Variants in SRP68 observed in about 807,000 individuals in gnomAD.
The protein encoded by SRP68 is signal recognition particle subunit SRP68.
Under a neutral mutation model 82.2 loss-of-function variants are expected in SRP68, and 15 were observed. The ratio of observed to expected loss-of-function variants is 0.18; its 90% CI spans 0.12 to 0.28. The LOEUF (loss-of-function observed/expected upper bound fraction) is 0.28. SRP68 is among the 10% of genes least tolerant of loss of function. The pLI is 1.00. For synonymous variants in SRP68, 261 were observed against 292.6 expected, an observed-to-expected ratio of 0.89 and a Z score of 1.10; for missense variants, 595 against 780.5, an observed-to-expected ratio of 0.76 and a Z score of 2.83.
In SRP68 at chr17:76,055,485, G is replaced by C. The variant is rs143298874; in HGVS notation, c.978+1918C>G. ...TAAAACATCATGTGGGCCCGGTGCA[G>C]TGGCTGATGCCTGTAATTCCAGCAC... On this transcript the variant is annotated intron_variant, in intron 8 of 15. Transcript: ENST00000307877. Among the ~76,000 whole-genome samples, 23 of 152,140 alleles carry C rather than the reference G, an allele frequency of 1.5e-4. 1 individual carries two copies. In the East Asian group the frequency reaches 4.5e-3, roughly 30 times the overall value.
Position 76,072,485 on chromosome 17 carries a change from C to T in SRP68, c.7G>A (p.Ala3Thr). The T allele has an allele frequency of 6.3e-7, 1 of 1,584,094 alleles. No homozygotes were observed. Among genetic ancestry groups the T allele is most frequent in the South Asian group, 1.1e-5 (1 of 89,232 alleles). ...CCGCCGCCTGGGACCTGCTTCTCAGCAGCCATCTTGCCCCTGCGCCGCAGA... is the reference window on the plus strand; with the variant it reads ...CCGCCGCCTGGGACCTGCTTCTCAGTAGCCATCTTGCCCCTGCGCCGCAGA... Reference protein sequence around the residue: MAAEKQVPGGGGG... With the variant: MATEKQVPGGGGG... Residue 3 changes from alanine to threonine, a missense_variant, in exon 1 of 16, where the codon GCT (alanine) becomes ACT (threonine). Coordinates refer to ENST00000307877, the MANE Select transcript of SRP68 (RefSeq NM_014230.4). This position sits in a 1 kb window ranked among gnomAD's most constrained non-coding sequence, Gnocchi z 4.5.
At chr17:76,055,125 T>C (rs1028898380) in intron 8 of SRP68, among the ~76,000 whole-genome samples, 1 of 149,982 alleles carries the variant, frequency 6.7e-6, no homozygotes, top group Non-Finnish European at 1.5e-5. Flanking sequence ...CCCGGCTAAT[T>C]TTTTTTTTGT....
rs1441205288 is a variant in SRP68 at position 76,057,382 on chromosome 17, C to T, written c.978+21G>A. The stretch of plus-strand genomic sequence containing the variant: ...CTTCAGACACATACAGAAGACAGCA[C>T]AGTAAGTTCTTCCTCCTCACCTGGA... On this transcript the variant is annotated intron_variant, in intron 8 of 15. Transcript: ENST00000307877. 9.9e-6 allele frequency: 16 copies of T among 1,613,938 alleles called. No homozygotes were observed. The Admixed American group carries it at 2.5e-4, about 25-fold the overall frequency.
In SRP68 at chr17:76,057,416, G is replaced by C; in HGVS notation, c.965C>G (p.Ala322Gly). The C allele has an allele frequency of 6.2e-7, 1 of 1,614,132 alleles. No homozygotes were observed. Among genetic ancestry groups the C allele is most frequent in the Non-Finnish European group, 8.5e-7 (1 of 1,180,030 alleles). Reference protein sequence around the residue: ...IFLLGLADNEAAIVQAESEET... With the variant: ...IFLLGLADNEGAIVQAESEET... The stretch of plus-strand genomic sequence containing the variant: ...CTTCCTCCTCACCTGGACAATAGCT[G>C]CTTCGTTATCAGCCAGTCCTAATAA... Residue 322 changes from alanine to glycine, a missense_variant, in exon 8 of 16, where the codon GCA becomes GGA. Around this residue, in one of 2 missense-constraint regions of SRP68, gnomAD observed 495 missense variants for 688.6 expected, o/e 0.72. Coordinates refer to ENST00000307877, the MANE Select transcript of SRP68 (RefSeq NM_014230.4).
Position 76,043,984 on chromosome 17 carries a change from A to G in SRP68, c.1395-26T>C, listed in dbSNP as rs111867241. The G allele has an allele frequency of 2.2e-4, 356 of 1,587,222 alleles. No homozygotes were observed. The African/African-American group carries it at 4.3e-3, about 19-fold the overall frequency. ...CTGATGGGGAGGGAAAAGAGCCACA[A>G]TATTCTAAAGCAGCAATTACCCAAG... On this transcript the variant is annotated intron_variant, in intron 12 of 15. Coordinates refer to ENST00000307877, the MANE Select transcript of SRP68 (RefSeq NM_014230.4).
rs771974589 is a variant in SRP68, at chr17:76,061,567, G to C, written c.569C>G (p.Thr190Arg). Residue 190 changes from threonine to arginine, a missense_variant, in exon 5 of 16, where the codon ACA becomes AGA. Physicochemically the swap from Thr to Arg is moderately conservative, Grantham distance 71 (BLOSUM62 -1). Transcript: ENST00000307877. ...AKTKLEAQAY[T>R]AYLSGMLRFE... ...ACGTAGCATTCCTGAGAGGTAAGCT[G>C]TGTAAGCCTGTGAGGAGATGGAAGA... The C allele has an allele frequency of 6.2e-7, 1 of 1,613,764 alleles. No homozygotes were observed. The highest frequency in any genetic ancestry group is 1.3e-5 in the African/African-American group (1 of 75,062).
intron 4 of SRP68, among the ~76,000 whole-genome samples, chr17:76,063,038 G>C (rs2066781067): frequency 6.6e-6 from 1 of 151,220 alleles, no homozygotes; most frequent in Admixed American, 6.6e-5. Flanking sequence ...CCAAAGTGCT[G>C]GGATTACAGG....
At chr17:76,063,925 T>A (rs768128993) in intron 4 of SRP68, 51 bp downstream of exon 4, 16 of 1,505,990 alleles carry the variant, frequency 1.1e-5, no homozygotes, top group African/African-American at 8.4e-5. Flanking sequence ...TGCAGCTTTT[T>A]AAAATGTCTT....
In SRP68 at chr17:76,046,205, C is replaced by T. The variant is rs1337644491; in HGVS notation, c.1143-11G>A. ...ATGTAAGTCAGGTAGCTGGAATGCA[C>T]CACAAGTCAGCTCAAGTTATACTCA... On this transcript the variant is annotated splice_polypyrimidine_tract_variant and intron_variant, in intron 10 of 15. Coordinates refer to ENST00000307877, the MANE Select transcript of SRP68 (RefSeq NM_014230.4). 3.1e-6 allele frequency: 5 copies of T among 1,613,460 alleles called. No individual in the cohort carries two copies. Among genetic ancestry groups the T allele is most frequent in the Admixed American group, 1.7e-5 (1 of 59,988 alleles).
chr17:76,064,759 TGAA>T (rs1382521696), intron 3 of SRP68, among the ~76,000 whole-genome samples: 1 of 149,976 alleles, frequency 6.7e-6, no homozygotes, highest in Non-Finnish European at 1.5e-5. Flanking sequence ...GAGTATCTCT[TGAA>T]CCGAGGAGGC....
At chr17:76,040,040 A>T (rs1261842866) in intron 15 of SRP68, 107 bp from the exon 16 acceptor site, 1 of 1,024,728 alleles carries the variant, frequency 9.8e-7, no homozygotes, top group African/African-American at 1.7e-5. Flanking sequence ...GGGCCATCTC[A>T]CTCAATCACT....
intron 8 of SRP68, 63 bp downstream of exon 8, chr17:76,057,340 T>TA: frequency 1.7e-5 from 27 of 1,602,292 alleles, no homozygotes; most frequent in Non-Finnish European, 2.2e-5. Flanking sequence ...CACTACATCT[T>TA]AAACACACAG....
chr17:76,043,007 T>C (rs1367818977), intron 13 of SRP68, among the ~76,000 whole-genome samples: 1 of 151,842 alleles, frequency 6.6e-6, no homozygotes, highest in African/African-American at 2.4e-5. Flanking sequence ...CTCAAGGTTT[T>C]GGGAGGCAGA....
rs2066749833 is a variant in SRP68 at position 76,061,205 on chromosome 17, T to C, written c.659A>G (p.Lys220Arg). The part of the protein sequence containing the change: ...AFNKCKTIYE[K>R]LASAFTEEQA... The stretch of plus-strand genomic sequence containing the variant: ...CTCCTCTGTGAAAGCACTGGCTAGC[T>C]TCTCATAGATAGTTCTGCGAGAAAA... The change falls in exon 6 of 16, where the codon AAG (lysine) becomes AGG (arginine). Residue 220 changes from lysine (K) to arginine (R), a missense_variant. Lys to Arg is a conservative substitution (Grantham distance 26). Transcript: ENST00000307877. 1 of 1,611,140 alleles carries C rather than the reference T, an allele frequency of 6.2e-7. No homozygotes were observed. The highest frequency in any genetic ancestry group is 1.3e-5 in the African/African-American group (1 of 74,848).
In SRP68 at chr17:76,039,215, G is replaced by T. The variant is rs1407758520; in HGVS notation, c.*491C>A. ...TGTCTGAAACTTCTTAGCGTTCACTGGGAGGTGAAGGGGAATAAGGCTGAC... is the reference window on the plus strand; with the variant it reads ...TGTCTGAAACTTCTTAGCGTTCACTTGGAGGTGAAGGGGAATAAGGCTGAC... On this transcript the variant is annotated 3_prime_UTR_variant, in exon 16 of 16. Transcript: ENST00000307877. 9 of 374,008 alleles carry T rather than the reference G, an allele frequency of 2.4e-5. No homozygotes were observed. The highest frequency in any genetic ancestry group is 3.9e-5 in the Non-Finnish European group (7 of 181,724). The allele number at this position is 374,008 out of a possible 1,614,324, so 23.2% of individuals were successfully genotyped here. A position where few individuals can be genotyped will look rare whatever the true frequency, so the allele number is the denominator to read the frequency against.
intron 1 of SRP68, 106 bp from the exon 2 acceptor site, chr17:76,070,550 G>C: frequency 1.0e-6 from 1 of 977,966 alleles, no homozygotes. Context: ...TTAAACATTT[G>C]TGAAATATAG....
chr17:76,067,830 G>C (rs576578857), intron 2 of SRP68, among the ~76,000 whole-genome samples: 1 of 152,294 alleles, frequency 6.6e-6, no homozygotes, highest in African/African-American at 2.4e-5. Flanking sequence ...GAAACACAAA[G>C]AGATGGAGGA....
chr17:76,057,472 A>C lies in SRP68; in HGVS notation c.909T>G (p.Val303=), dbSNP rs146027580. 1 of 1,613,962 alleles carries C rather than the reference A, an allele frequency of 6.2e-7. No individual in the cohort carries two copies. Among genetic ancestry groups the C allele is most frequent in the Non-Finnish European group, 8.5e-7 (1 of 1,179,992 alleles). The change falls in exon 8 of 16, where the codon GTT becomes GTG. Residue 303 remains valine (V), a synonymous_variant. Transcript: ENST00000307877. ...TGCGCACTTTGTCAATCTTCACTGGAACCGTTCTCCCTCTCCACTCCACTT... is the reference window on the plus strand; with the variant it reads ...TGCGCACTTTGTCAATCTTCACTGGCACCGTTCTCCCTCTCCACTCCACTT... ...MSEVEWRGRT[V]PVKIDKVRIF...
rs954919803 is a variant in SRP68 at position 76,061,226 on chromosome 17, G to T, written c.645-7C>A. 5.7e-6 allele frequency: 9 copies of T among 1,590,992 alleles called. 1 individual carries two copies. In the Admixed American group the frequency reaches 1.4e-4, roughly 24 times the overall value. The stretch of plus-strand genomic sequence containing the variant: ...TAGCTTCTCATAGATAGTTCTGCGA[G>T]AAAAGAAAAGCCAGGTTTTACATCA... On this transcript the variant is annotated splice_polypyrimidine_tract_variant and splice_region_variant and intron_variant, in intron 5 of 15. Coordinates refer to ENST00000307877, the MANE Select transcript of SRP68 (RefSeq NM_014230.4).
Sources: gnomAD v4.1 joint callset for allele counts (sites outside exome capture counted in the v4.1 genomes callset) on GRCh38, gnomAD v4.1.1 for gene constraint, gnomAD v4.1.1 regional missense constraint, Gnocchi (gnomAD v3.1) non-coding constraint, MANE v1.5 for transcripts, NCBI Gene and HGNC (gene_info 2026-07-23, HGNC 2026-07-21) for gene names.